The following ZNF2 variants were observed in gnomAD, a reference collection of about 807,000 sequenced individuals.
ZNF2 encodes zinc finger protein 2.2.
In ZNF2, 12 loss-of-function variants were observed where a neutral mutation model predicts 21.9. That is an observed-to-expected ratio of 0.55 (90% CI 0.35 to 0.89). The LOEUF is 0.89. Ranked by LOEUF, ZNF2 falls within the 40% of genes least tolerant of loss-of-function variation. The pLI, the probability that ZNF2 is intolerant of heterozygous loss-of-function variation, is 0.01. For missense variants in ZNF2, 462 were observed against 544.2 expected, an observed-to-expected ratio of 0.85 and a Z score of 1.50; for synonymous variants, 186 against 196.3, an observed-to-expected ratio of 0.95 and a Z score of 0.44.
chr2:95,170,527 A>G (rs1226941512), intron 1 of ZNF2, among the ~76,000 whole-genome samples: 3 of 152,256 alleles, frequency 2.0e-5, no homozygotes, highest in Non-Finnish European at 4.4e-5. Context: ...AAAAGATAGC[A>G]TAGGTAACAG....
chr2:95,178,018 G>A (rs1297797490), intron 3 of ZNF2, among the ~76,000 whole-genome samples: 1 of 152,216 alleles, frequency 6.6e-6, no homozygotes, highest in Admixed American at 6.5e-5. Flanking sequence ...TCACCCAGAG[G>A]AGTGTGCGCT....
At chr2:95,168,715 T>G (rs1358514704) in intron 1 of ZNF2, among the ~76,000 whole-genome samples, 2 of 152,234 alleles carry the variant, frequency 1.3e-5, no homozygotes, top group African/African-American at 4.8e-5. Flanking sequence ...TCTCACCATT[T>G]ATAACTATGC....
chr2:95,168,183 G>C (rs1376402402), intron 1 of ZNF2, among the ~76,000 whole-genome samples: 1 of 151,680 alleles, frequency 6.6e-6, no homozygotes, highest in East Asian at 1.9e-4. Flanking sequence ...TCCCAGCACT[G>C]TGGGAGGCTG....
chr2:95,176,114 TG>T, intron 1 of ZNF2, 73 bp from the exon 2 acceptor site: 1 of 1,318,918 alleles, frequency 7.6e-7, no homozygotes, highest in Non-Finnish European at 1.1e-6. Context: ...ATGTGCTTCA[TG>T]GGTCAAAAGA....
chr2:95,178,199 G>A (rs957259718), intron 3 of ZNF2, among the ~76,000 whole-genome samples: 7 of 152,172 alleles, frequency 4.6e-5, no homozygotes, highest in Non-Finnish European at 1.0e-4. Flanking sequence ...TGCTGATTCT[G>A]GTGTTAGTGA....
chr2:95,182,110 G>C lies in ZNF2; in HGVS notation c.*4G>C. 6.3e-7 allele frequency: 1 copy of C among 1,588,112 alleles called. No homozygotes were observed. Among genetic ancestry groups the C allele is most frequent in the Middle Eastern group, 1.7e-4 (1 of 5,904 alleles). ...CGCCAAACAGGGAATAGACTGAGTT[G>C]GGCAAAAGCTTGGGTAGGACAAGAA... is the stretch of plus-strand genomic sequence containing the variant. On this transcript the variant is annotated 3_prime_UTR_variant, in exon 5 of 5. Transcript: ENST00000614034.
At chr2:95,178,150 T>G (rs1377921348) in intron 3 of ZNF2, among the ~76,000 whole-genome samples, 2 of 152,154 alleles carry the variant, frequency 1.3e-5, no homozygotes, top group African/African-American at 4.8e-5. Flanking sequence ...ACTTTGTAAT[T>G]ATAGAGACTT....
intron 1 of ZNF2, among the ~76,000 whole-genome samples, chr2:95,167,867 A>G (rs1374164406): frequency 2.0e-5 from 3 of 151,284 alleles, no homozygotes; most frequent in South Asian, 2.1e-4. Context: ...AAAAAAAAGT[A>G]GTTTTCAAGC....
Position 95,177,466 on chromosome 2 carries a change from T to A in ZNF2, c.34-17T>A, listed in dbSNP as rs758691313. On this transcript the variant is annotated splice_polypyrimidine_tract_variant and intron_variant, in intron 2 of 4. Transcript: ENST00000614034. ...GAGAAGGATTAAGAGTAAGGGAGAA[T>A]GTGATTGTATTTTCAGGAATCAGTG... The A allele has an allele frequency of 6.2e-7, 1 of 1,612,562 alleles. No individual in the cohort carries two copies. The highest frequency in any genetic ancestry group is 8.5e-7 in the Non-Finnish European group (1 of 1,179,178).
rs1674767576 is a variant in ZNF2 at position 95,183,771 on chromosome 2, C to G, written c.*1665C>G. ...GAATAGCTGGGACTACAGGTGCCCG[C>G]CAACACGCCCGGCTAATTTTTTGTA... On this transcript the variant is annotated 3_prime_UTR_variant, in exon 5 of 5. Coordinates refer to ENST00000614034, the MANE Select transcript of ZNF2 (RefSeq NM_021088.4). The G allele has an allele frequency of 6.6e-6, 1 of 152,066 alleles. No individual in the cohort carries two copies. The highest frequency in any genetic ancestry group is 2.1e-4 in the South Asian group (1 of 4,808). 9.4% of individuals were successfully genotyped at this position (152,066 alleles called of 1,614,324 possible). A position where few individuals can be genotyped will look rare whatever the true frequency, so the allele number is the denominator to read the frequency against.
rs1345527921 is a variant in ZNF2 at position 95,182,713 on chromosome 2, C to T, written c.*607C>T. 6.5e-6 allele frequency: 1 copy of T among 152,712 alleles called. No individual in the cohort carries two copies. Among genetic ancestry groups the T allele is most frequent in the African/African-American group, 2.4e-5 (1 of 41,394 alleles). 9.5% of individuals were successfully genotyped at this position (152,712 alleles called of 1,614,324 possible). On this transcript the variant is annotated 3_prime_UTR_variant, in exon 5 of 5. Coordinates refer to ENST00000614034, the MANE Select transcript of ZNF2 (RefSeq NM_021088.4). ...ACCATCTGCATCTCCAGATGAGCAC[C>T]CTGAGGTTTAGAGAGATTAAATCAC...
intron 2 of ZNF2, among the ~76,000 whole-genome samples, 183 bp from the exon 3 acceptor site, chr2:95,177,300 C>G (rs1674478705): frequency 6.6e-6 from 1 of 150,798 alleles, no homozygotes; most frequent in Admixed American, 6.6e-5. Context: ...AGATTCTGAC[C>G]AAGAACTTCA....
At chr2:95,177,273 G>C (rs143094232) in intron 2 of ZNF2, among the ~76,000 whole-genome samples, 7 of 152,338 alleles carry the variant, frequency 4.6e-5, no homozygotes, top group African/African-American at 1.7e-4. Context: ...AAGCTCAGCT[G>C]TAAGTATAGT....
intron 3 of ZNF2, among the ~76,000 whole-genome samples, chr2:95,178,975 C>T (rs1229629259): frequency 6.6e-6 from 1 of 151,232 alleles, no homozygotes; most frequent in East Asian, 1.9e-4. Flanking sequence ...ATTTCATTAT[C>T]CAGGTTTGGT....
intron 1 of ZNF2, among the ~76,000 whole-genome samples, chr2:95,170,095 G>A (rs1674220023): frequency 6.6e-6 from 1 of 152,146 alleles, no homozygotes; most frequent in Admixed American, 6.6e-5. Context: ...ATCTCTAAAT[G>A]CTAATTTTGA....
Position 95,179,706 on chromosome 2 carries a change from T to C in ZNF2, c.161-453T>C, listed in dbSNP as rs1193137047. Among the ~76,000 whole-genome samples the C allele has an allele frequency of 5.3e-5, 8 of 152,198 alleles. No individual in the cohort carries two copies. In the East Asian group the frequency reaches 1.5e-3, roughly 29 times the overall value. On this transcript the variant is annotated intron_variant, in intron 3 of 4. Coordinates refer to ENST00000614034, the MANE Select transcript of ZNF2 (RefSeq NM_021088.4). ...GCCTCCGTCCAGAGGTTCCTCTGCT[T>C]TGGACTCTGCATTCTTGGCTTGTGC...
chr2:95,181,860 C>A lies in ZNF2; in HGVS notation c.1032C>A (p.Asn344Lys). 1.2e-6 allele frequency: 2 copies of A among 1,614,216 alleles called. No homozygotes were observed. The highest frequency in any genetic ancestry group is 1.6e-4 in the Middle Eastern group (1 of 6,062). ...CTGGGGACCCTCGCTATCAGTGTAACGAGTGTGGCAAAGCTTTCTTTGACC... is the reference window on the plus strand; with the variant it reads ...CTGGGGACCCTCGCTATCAGTGTAAAGAGTGTGGCAAAGCTTTCTTTGACC... ...AHAGDPRYQC[N>K]ECGKAFFDRS... The change falls in exon 5 of 5, where the codon AAC (asparagine) becomes AAA (lysine). Residue 344 changes from asparagine (N) to lysine (K), a missense_variant. By Grantham distance (94) the Asn-to-Lys change is moderately conservative. Transcript: ENST00000614034.
intron 4 of ZNF2, among the ~76,000 whole-genome samples, chr2:95,180,753 G>T (rs577934147): frequency 4.6e-5 from 7 of 152,112 alleles, no homozygotes. Flanking sequence ...CAGGTGATCC[G>T]CCCACCTTGG....
intron 1 of ZNF2, among the ~76,000 whole-genome samples, chr2:95,173,984 C>T (rs1674361998): frequency 1.3e-5 from 2 of 152,228 alleles, no homozygotes; most frequent in African/African-American, 2.4e-5. Context: ...GCTGGGATTA[C>T]AGGCGTGAGC....
Sources: gnomAD v4.1 joint callset for allele counts (sites outside exome capture counted in the v4.1 genomes callset) on GRCh38, gnomAD v4.1.1 for gene constraint, MANE v1.5 for transcripts, NCBI Gene and HGNC (gene_info 2026-07-23, HGNC 2026-07-21) for gene names.